Variants in OSBPL9 observed in about 807,000 individuals in gnomAD.
OSBPL9 encodes the protein oxysterol-binding protein-related protein 9.
OSBPL9 carries 40 observed loss-of-function variants against 106.6 expected under a neutral mutation model. The observed-to-expected ratio is 0.38, with a 90% confidence interval of 0.29 to 0.49. OSBPL9 has a LOEUF of 0.49. Among genes scored for constraint, OSBPL9 ranks in the 20% least tolerant of loss-of-function variants. The pLI is 0.97. For missense variants in OSBPL9, 609 were observed against 887.2 expected, an observed-to-expected ratio of 0.69 and a Z score of 3.98; for synonymous variants, 269 against 295.4, an observed-to-expected ratio of 0.91 and a Z score of 0.92.
intron 21 of OSBPL9, 177 bp downstream of exon 21, chr1:51,786,063 C>A: frequency 3.4e-6 from 2 of 590,934 alleles, no homozygotes; most frequent in South Asian, 2.0e-5. Context: ...CTTTTTCTTT[C>A]CTTCCCCCAC....
chr1:51,551,662 A>G, the OSBPL9 span, among the ~76,000 whole-genome samples: 1 of 151,806 alleles, frequency 6.6e-6, no homozygotes, highest in Non-Finnish European at 1.5e-5. Flanking sequence ...TCTTGGCTCA[A>G]TGCAACCTCC....
intron 4 of OSBPL9, among the ~76,000 whole-genome samples, chr1:51,724,576 G>A (rs1229842076): frequency 2.0e-5 from 3 of 152,224 alleles, no homozygotes; most frequent in Non-Finnish European, 4.4e-5. Flanking sequence ...GAGCTACCAC[G>A]CCTGGCCCAC....
chr1:51,548,338 A>G, the OSBPL9 span, among the ~76,000 whole-genome samples: 1 of 151,936 alleles, frequency 6.6e-6, no homozygotes, highest in Non-Finnish European at 1.5e-5. Flanking sequence ...GGCTCAAGTG[A>G]TCCTTCTGCC....
chr1:51,712,770 T>C (rs1384446555), intron 3 of OSBPL9, among the ~76,000 whole-genome samples: 4 of 152,248 alleles, frequency 2.6e-5, no homozygotes, highest in Non-Finnish European at 5.9e-5. Context: ...TCTCCATTTA[T>C]GTGTACTTGG....
chr1:51,664,597 C>T (rs1397696308), intron 2 of OSBPL9, among the ~76,000 whole-genome samples: 1 of 152,052 alleles, frequency 6.6e-6, no homozygotes, highest in African/African-American at 2.4e-5. Context: ...GAGGCTGAGG[C>T]ACAAATATCA....
intron 3 of OSBPL9, among the ~76,000 whole-genome samples, chr1:51,712,681 G>C (rs1467836200): frequency 1.3e-5 from 2 of 152,156 alleles, no homozygotes; most frequent in African/African-American, 2.4e-5. Flanking sequence ...TGTCATTTAT[G>C]CAATAATCTG....
chr1:51,588,430 A>T (rs146323083), intron 1 of OSBPL9, among the ~76,000 whole-genome samples: 21 of 152,288 alleles, frequency 1.4e-4, no homozygotes, highest in Non-Finnish European at 2.8e-4. Flanking sequence ...AAGCCAAAGC[A>T]GGAGAATTGC....
chr1:51,734,399 G>T (rs1020609872), intron 4 of OSBPL9, among the ~76,000 whole-genome samples: 5 of 152,206 alleles, frequency 3.3e-5, no homozygotes, highest in Non-Finnish European at 7.3e-5. Context: ...TACACTAAAT[G>T]ACAGAGTTTG....
chr1:51,723,661 G>A (rs1031874248), intron 4 of OSBPL9, among the ~76,000 whole-genome samples: 3 of 151,844 alleles, frequency 2.0e-5, no homozygotes, highest in Non-Finnish European at 4.4e-5. Flanking sequence ...ATCCTCCTGC[G>A]TTAGCCTCCT....
Position 51,788,089 on chromosome 1 carries a change from A to C in OSBPL9, c.*300A>C, listed in dbSNP as rs74080632. 0.02 allele frequency: 7,620 copies of C among 390,492 alleles called. 182 individuals carry two copies. The highest frequency in any genetic ancestry group is 0.073 in the Middle Eastern group (99 of 1,352). The allele number at this position is 390,492 out of a possible 1,614,324, so 24.2% of individuals were successfully genotyped here. On this transcript the variant is annotated 3_prime_UTR_variant, in exon 24 of 24. Coordinates refer to ENST00000428468, the MANE Select transcript of OSBPL9 (RefSeq NM_024586.6). Reference sequence around the variant, plus strand: ...GAAAGCATTTATAAATCCAAGTCTGAAACTCTGCGCTCTAGTACTGCTGTT... The same window carrying C: ...GAAAGCATTTATAAATCCAAGTCTGCAACTCTGCGCTCTAGTACTGCTGTT...
At chr1:51,660,958 C>T (rs1277521069) in intron 2 of OSBPL9, among the ~76,000 whole-genome samples, 7 of 152,104 alleles carry the variant, frequency 4.6e-5, no homozygotes, top group Admixed American at 2.6e-4. Context: ...ATTCTTCTCC[C>T]TTTTAGTTGT....
At chr1:51,687,437 G>A (rs536247042) in intron 3 of OSBPL9, among the ~76,000 whole-genome samples, 1 of 152,336 alleles carries the variant, frequency 6.6e-6, no homozygotes, top group East Asian at 1.9e-4. Context: ...TACAACATAA[G>A]TGCCATAGAG....
At chr1:51,748,257 C>A in intron 6 of OSBPL9, 112 bp from the exon 7 acceptor site, 1 of 1,306,748 alleles carries the variant, frequency 7.7e-7, no homozygotes, top group Non-Finnish European at 1.0e-6. Flanking sequence ...TGCTTGTACT[C>A]ACTTAGAATG....
chr1:51,750,268 C>A, intron 8 of OSBPL9, 73 bp downstream of exon 8: 2 of 996,636 alleles, frequency 2.0e-6, no homozygotes, highest in Non-Finnish European at 1.5e-6. Flanking sequence ...TCTTTAATAG[C>A]AAAAAAACTC....
chr1:51,529,899 C>T, the OSBPL9 span, among the ~76,000 whole-genome samples: 6 of 151,404 alleles, frequency 4.0e-5, no homozygotes, highest in African/African-American at 7.3e-5. Context: ...AGGCTGGGTG[C>T]GGTGGCTCAC....
chr1:51,739,456 C>T (rs1173094460), intron 4 of OSBPL9, among the ~76,000 whole-genome samples: 1 of 151,946 alleles, frequency 6.6e-6, no homozygotes, highest in African/African-American at 2.4e-5. Flanking sequence ...CCTTACTTTT[C>T]AGGGCATTCT....
At chr1:51,583,600 C>T (rs1443013897) in intron 1 of OSBPL9, 4 of 152,340 alleles carry the variant, frequency 2.6e-5, no homozygotes, top group South Asian at 4.1e-4. Context: ...CCAGCTGGAT[C>T]AGGCCTATTC....
chr1:51,638,782 C>T (rs545400126), intron 1 of OSBPL9, among the ~76,000 whole-genome samples: 1 of 151,722 alleles, frequency 6.6e-6, no homozygotes, highest in South Asian at 2.1e-4. Context: ...TGCACTCCAG[C>T]CTAGGTGACA....
intron 2 of OSBPL9, among the ~76,000 whole-genome samples, chr1:51,661,551 A>G (rs1647154000): frequency 6.6e-6 from 1 of 152,224 alleles, no homozygotes; most frequent in Non-Finnish European, 1.5e-5. Context: ...AAGTACTGAT[A>G]GAACTTTAAG....
Sources: allele counts gnomAD v4.1 joint callset (sites outside exome capture counted in the v4.1 genomes callset), GRCh38; gene constraint gnomAD v4.1.1; transcripts MANE v1.5; gene names NCBI Gene and HGNC (gene_info 2026-07-23, HGNC 2026-07-21).